The following HSPBAP1 variants were observed in gnomAD, a reference collection of about 807,000 sequenced individuals.
HSPBAP1 encodes HSPB1-associated protein 1.
In HSPBAP1, 27 loss-of-function variants were observed where a neutral mutation model predicts 45.2. The observed-to-expected ratio is 0.60, with a 90% CI of 0.44 to 0.82. The LOEUF (loss-of-function observed/expected upper bound fraction) is 0.82, where lower values mean the gene tolerates loss of function less well. HSPBAP1 is among the 40% of genes least tolerant of loss of function. The pLI, the probability that HSPBAP1 is intolerant of heterozygous loss-of-function variation, is 0.00. For synonymous variants in HSPBAP1, 204 were observed against 202.7 expected, an observed-to-expected ratio of 1.01 and a Z score of -0.06; for missense variants, 510 against 590.9, an observed-to-expected ratio of 0.86 and a Z score of 1.42.
chr3:122,783,665 C>T (rs969366172), intron 1 of HSPBAP1, among the ~76,000 whole-genome samples: 14 of 152,146 alleles, frequency 9.2e-5, no homozygotes, highest in Admixed American at 2.0e-4. Context: ...ATTTAGAAAA[C>T]ATGACAAGAC....
At chr3:122,752,129 A>G (rs531947171) in intron 6 of HSPBAP1, among the ~76,000 whole-genome samples, 201 of 152,374 alleles carry the variant, frequency 1.3e-3, no homozygotes, top group Middle Eastern at 3.4e-3. Context: ...AAATGAAATG[A>G]TAAAAACCTA....
At position 122,775,778 on chromosome 3, in the gene HSPBAP1, A is replaced by C. The variant is rs370605647; in HGVS notation, c.250+1943T>G. ...TGTATGACCCAGCAATTCTACTCCAAGAGAAATGAAAATACATGTCCACAC... is the reference window on the plus strand; with the variant it reads ...TGTATGACCCAGCAATTCTACTCCACGAGAAATGAAAATACATGTCCACAC... On this transcript the variant is annotated intron_variant, in intron 2 of 7. Coordinates refer to ENST00000306103, the MANE Select transcript of HSPBAP1 (RefSeq NM_024610.6). Among the ~76,000 whole-genome samples the C allele has an allele frequency of 8.7e-4, 133 of 152,366 alleles. 1 individual carries two copies. The highest frequency in any genetic ancestry group is 3.1e-3 in the African/African-American group (129 of 41,596).
At chr3:122,769,393 A>G (rs1224449273) in intron 2 of HSPBAP1, among the ~76,000 whole-genome samples, 1 of 152,224 alleles carries the variant, frequency 6.6e-6, no homozygotes, top group Non-Finnish European at 1.5e-5. Flanking sequence ...AGGGTTGATC[A>G]GGAAAGCTTC....
At chr3:122,778,341 A>C (rs1935263107) in intron 1 of HSPBAP1, among the ~76,000 whole-genome samples, 1 of 151,608 alleles carries the variant, frequency 6.6e-6, no homozygotes, top group Non-Finnish European at 1.5e-5. Context: ...CATTAAATAC[A>C]ATTTGGAAAA....
At chr3:122,744,921 A>G (rs967539216) in intron 6 of HSPBAP1, among the ~76,000 whole-genome samples, 10 of 151,522 alleles carry the variant, frequency 6.6e-5, no homozygotes, top group African/African-American at 2.2e-4. Context: ...TTATTGCAAT[A>G]TCAGGTGTTT....
In HSPBAP1 at chr3:122,740,486, AT is replaced by A; in HGVS notation, c.1325del (p.Asn442MetfsTer29). On this transcript the variant is annotated frameshift_variant, in exon 8 of 8. Transcript: ENST00000306103. LOFTEE classifies it low-confidence loss of function (END_TRUNC). ...KRQQIMSNSENAIEEQIASNT... is the reference protein window; with the variant it reads ...KRQQIMSNSEXAIEEQIASNT... ...TTGAGGCAATCTGTTCCTCAATTGC[AT>A]TTTCACTGTTGCTCATTATTTGTTG... 6.2e-7 allele frequency: 1 copy of A among 1,614,168 alleles called. No homozygotes were observed. Among genetic ancestry groups the A allele is most frequent in the Non-Finnish European group, 8.5e-7 (1 of 1,180,032 alleles).
At chr3:122,780,414 CT>C (rs1935395526) in intron 1 of HSPBAP1, among the ~76,000 whole-genome samples, 1 of 113,018 alleles carries the variant, frequency 8.8e-6, no homozygotes, top group African/African-American at 3.3e-5. Flanking sequence ...GACGGGGCGG[CT>C]GGCCGGGCAG....
At chr3:122,755,221 G>A (rs1934304065) in intron 5 of HSPBAP1, 39 bp downstream of exon 5, 2 of 1,457,436 alleles carry the variant, frequency 1.4e-6, no homozygotes, top group Non-Finnish European at 1.8e-6. Flanking sequence ...CAGCTGTGGT[G>A]TCCCCTGGCA....
At chr3:122,784,003 A>T (rs916066735) in intron 1 of HSPBAP1, among the ~76,000 whole-genome samples, 3 of 151,394 alleles carry the variant, frequency 2.0e-5, no homozygotes, top group African/African-American at 7.3e-5. Flanking sequence ...GCTAATTTTT[A>T]TATTTTTAGT....
At position 122,743,474 on chromosome 3, in the gene HSPBAP1, G is replaced by C. The variant is rs575576786; in HGVS notation, c.826-2361C>G. 2.6e-4 allele frequency among the ~76,000 whole-genome samples: 39 copies of C among 152,266 alleles called. 2 individuals carry two copies. Among genetic ancestry groups the C allele is most frequent in the Admixed American group, 2.2e-3 (34 of 15,300 alleles). ...CCAGCTACTCAGGAGGCTGAAGCAGGAGAATTGCCTGAACCTGGGAGGCGG... is the reference window on the plus strand; with the variant it reads ...CCAGCTACTCAGGAGGCTGAAGCAGCAGAATTGCCTGAACCTGGGAGGCGG... On this transcript the variant is annotated intron_variant, in intron 6 of 7. Transcript: ENST00000306103.
chr3:122,768,507 G>T (rs887372205), intron 3 of HSPBAP1, among the ~76,000 whole-genome samples, 194 bp downstream of exon 3: 1 of 152,198 alleles, frequency 6.6e-6, no homozygotes, highest in Non-Finnish European at 1.5e-5. Flanking sequence ...AAACAAGGAA[G>T]CCTGCTCATC....
intron 6 of HSPBAP1, among the ~76,000 whole-genome samples, chr3:122,748,229 G>A (rs1933988587): frequency 6.6e-6 from 1 of 152,128 alleles, no homozygotes; most frequent in South Asian, 2.1e-4. Context: ...CAAGTACCCA[G>A]GGACACAAAC....
chr3:122,757,337 C>T (rs1265661121), intron 4 of HSPBAP1, among the ~76,000 whole-genome samples: 2 of 152,166 alleles, frequency 1.3e-5, no homozygotes, highest in Non-Finnish European at 2.9e-5. Flanking sequence ...TACTGGACAA[C>T]TCAAGGGGTC....
At chr3:122,747,647 C>G (rs1223609569) in intron 6 of HSPBAP1, among the ~76,000 whole-genome samples, 1 of 148,986 alleles carries the variant, frequency 6.7e-6, no homozygotes, top group African/African-American at 2.5e-5. Context: ...GTCAGCCCCC[C>G]GCCCGGCCAG....
In HSPBAP1 at chr3:122,752,572, A is replaced by C. The variant is rs776869615; in HGVS notation, c.825+19T>G. The C allele has an allele frequency of 2.0e-6, 3 of 1,503,668 alleles. No individual in the cohort carries two copies. The highest frequency in any genetic ancestry group is 2.2e-5 in the Admixed American group (1 of 45,954). The allele number at this position is 1,503,668 out of a possible 1,614,324, so 93.1% of individuals were successfully genotyped here. A position where few individuals can be genotyped will look rare whatever the true frequency, so the allele number is the denominator to read the frequency against. ...ATTTGCACTTACTTAAAAAAAAAAA[A>C]AAAACAACGAAAAAGTACCAGTTCA... On this transcript the variant is annotated intron_variant, in intron 6 of 7. Coordinates refer to ENST00000306103, the MANE Select transcript of HSPBAP1 (RefSeq NM_024610.6).
rs769688078 is a variant in HSPBAP1, at chr3:122,740,557, C to A, written c.1255G>T (p.Asp419Tyr). ...IFGSDGKDFV[D>Y]KDGEHFGKLH... ...TTTCCAAAGTGTTCTCCATCCTTGT[C>A]CACAAAGTCTTTCCCATCACTTCCA... Residue 419 changes from aspartate (D) to tyrosine (Y), a missense_variant, in exon 8 of 8, where the codon GAC becomes TAC. Coordinates refer to ENST00000306103, the MANE Select transcript of HSPBAP1 (RefSeq NM_024610.6). The A allele has an allele frequency of 1.1e-5, 17 of 1,614,196 alleles. No individual in the cohort carries two copies. The African/African-American group carries it at 1.6e-4, about 15-fold the overall frequency.
At chr3:122,747,571 CG>C (rs530352998) in intron 6 of HSPBAP1, among the ~76,000 whole-genome samples, 8,707 of 142,242 alleles carry the variant, frequency 0.061, 438 homozygotes, top group African/African-American at 0.12. Context: ...CCGCCCCGTC[CG>C]GGAGGGAGGT....
At chr3:122,767,962 C>T (rs1934847153) in intron 3 of HSPBAP1, among the ~76,000 whole-genome samples, 1 of 152,118 alleles carries the variant, frequency 6.6e-6, no homozygotes, top group Admixed American at 6.6e-5. Flanking sequence ...AAGGCAGAGT[C>T]CTCCAAACAG....
At chr3:122,780,761 G>C (rs1935424148) in intron 1 of HSPBAP1, among the ~76,000 whole-genome samples, 1 of 151,200 alleles carries the variant, frequency 6.6e-6, no homozygotes, top group South Asian at 2.1e-4. Context: ...TCTCAGACGG[G>C]GCGGCTGCCG....
Sources: allele counts gnomAD v4.1 joint callset (sites outside exome capture counted in the v4.1 genomes callset), GRCh38; gene constraint gnomAD v4.1.1; transcripts MANE v1.5; gene names NCBI Gene and HGNC (gene_info 2026-07-23, HGNC 2026-07-21).